The following DDX19B variants were observed in gnomAD, a reference collection of about 807,000 sequenced individuals.
The protein encoded by DDX19B is DEAD-box helicase 19B.
In DDX19B, 27 loss-of-function variants were observed where a neutral mutation model predicts 58.1. The ratio of observed to expected loss-of-function variants is 0.46; its 90% confidence interval spans 0.34 to 0.64. DDX19B has a LOEUF of 0.64. Ranked by LOEUF, DDX19B falls within the 30% of genes least tolerant of loss-of-function variation. DDX19B has a pLI of 0.01. For missense variants in DDX19B, 399 were observed against 596.5 expected (o/e 0.67, Z 3.45); for synonymous variants, 187 against 214.4 (o/e 0.87, Z 1.12).
In DDX19B at chr16:70,309,490, A is replaced by G. The variant is rs192070942; in HGVS notation, c.58-3119A>G. Among the ~76,000 whole-genome samples, 60 of 147,784 alleles carry G rather than the reference A, an allele frequency of 4.1e-4. No individual in the cohort carries two copies. In the Middle Eastern group the frequency reaches 0.014, roughly 35 times the overall value. On this transcript the variant is annotated intron_variant, in intron 1 of 11. Coordinates refer to ENST00000288071, the MANE Select transcript of DDX19B (RefSeq NM_007242.7). Reference sequence around the variant, plus strand: ...AGCCTGGGCGACAGAGCGAGACTCCATCTCAAAAAACAAAACAAACAAACA... The same window carrying G: ...AGCCTGGGCGACAGAGCGAGACTCCGTCTCAAAAAACAAAACAAACAAACA...
intron 1 of DDX19B, among the ~76,000 whole-genome samples, chr16:70,307,093 A>G (rs1011254862): frequency 8.5e-5 from 13 of 152,204 alleles, no homozygotes; most frequent in Non-Finnish European, 1.2e-4. Context: ...TTGTGTGGAT[A>G]TACCACATTT....
At chr16:70,332,748 G>C (rs563439215) in intron 10 of DDX19B, among the ~76,000 whole-genome samples, 3 of 152,072 alleles carry the variant, frequency 2.0e-5, no homozygotes, top group East Asian at 1.9e-4. Flanking sequence ...CCCCTGACCC[G>C]TGCTAGTTTG....
intron 6 of DDX19B, 97 bp downstream of exon 6, chr16:70,324,784 G>T: frequency 8.5e-7 from 1 of 1,181,964 alleles, no homozygotes; most frequent in East Asian, 2.7e-5. Flanking sequence ...GGGTGCAGTG[G>T]CTCATGCCTG....
upstream of DDX19B, among the ~76,000 whole-genome samples, chr16:70,293,831 T>G (rs1261575204): frequency 6.7e-5 from 10 of 150,302 alleles, no homozygotes; most frequent in Non-Finnish European, 4.4e-5. Flanking sequence ...CAGGATGGTC[T>G]CGATCTCCTG....
chr16:70,313,053 C>T (rs1597475976), intron 2 of DDX19B, among the ~76,000 whole-genome samples: 1 of 152,056 alleles, frequency 6.6e-6, no homozygotes, highest in East Asian at 1.9e-4. Context: ...GAGTCTCGCT[C>T]TGTTGCCCAG....
chr16:70,315,494 G>A (rs1962338563), intron 3 of DDX19B: 1 of 155,104 alleles, frequency 6.4e-6, no homozygotes, highest in African/African-American at 2.4e-5. Context: ...AGTTGAATAG[G>A]GCATTATAAA....
intron 1 of DDX19B, among the ~76,000 whole-genome samples, chr16:70,303,184 C>G (rs1335293941): frequency 6.6e-6 from 1 of 152,132 alleles, no homozygotes; most frequent in Non-Finnish European, 1.5e-5. Context: ...GTCACCCAGA[C>G]TAGAGTCAGG....
At chr16:70,327,158 A>G (rs1189303790) in intron 7 of DDX19B, among the ~76,000 whole-genome samples, 1 of 151,618 alleles carries the variant, frequency 6.6e-6, no homozygotes, top group Admixed American at 6.6e-5. Context: ...ATTTTGAGAC[A>G]GTTTCGCTAG....
chr16:70,310,189 T>C (rs1416304598), intron 1 of DDX19B, among the ~76,000 whole-genome samples: 1 of 152,178 alleles, frequency 6.6e-6, no homozygotes, highest in East Asian at 1.9e-4. Flanking sequence ...GAGACCATCC[T>C]GGCCAATGTG....
upstream of DDX19B, chr16:70,299,134 T>C: frequency 1.8e-5 from 24 of 1,355,420 alleles, no homozygotes; most frequent in Non-Finnish European, 2.2e-5. Context: ...GGGCAAAGGG[T>C]GGCCAAACAG....
In DDX19B at chr16:70,329,342, A is replaced by T. The variant is rs747085071; in HGVS notation, c.658A>T (p.Thr220Ser). Residue 220 changes from threonine to serine, a missense_variant, in exon 8 of 12, where the codon ACT becomes TCT. Thr to Ser is a moderately conservative substitution (Grantham distance 58). Transcript: ENST00000288071. ...SEQIVIGTPGTVLDWCSKLKF... is the reference protein window; with the variant it reads ...SEQIVIGTPGSVLDWCSKLKF... ...GCAGATTGTCATTGGCACCCCTGGG[A>T]CTGTGCTGGACTGGTGCTCCAAGCT... The T allele has an allele frequency of 9.9e-6, 16 of 1,613,934 alleles. No homozygotes were observed. The highest frequency in any genetic ancestry group is 1.4e-5 in the Non-Finnish European group (16 of 1,179,986).
Position 70,316,070 on chromosome 16 carries a change from C to A in DDX19B, c.262C>A (p.Leu88Met). 6.2e-7 allele frequency: 1 copy of A among 1,614,140 alleles called. No individual in the cohort carries two copies. ...EVLQRDPNSP[L>M]YSVKSFEELR... ...CCTGCAGCGGGATCCAAACTCCCCT[C>A]TGTACTCGGTGAAGTCTTTTGAAGA... The change falls in exon 4 of 12, where the codon CTG (leucine) becomes ATG (methionine). Residue 88 changes from leucine to methionine, a missense_variant. This residue lies in a region of DDX19B where 132 missense variants were observed against 159.4 expected (regional missense o/e 0.83). Coordinates refer to ENST00000288071, the MANE Select transcript of DDX19B (RefSeq NM_007242.7).
chr16:70,323,187 C>A (rs1180818638), intron 5 of DDX19B, among the ~76,000 whole-genome samples: 1 of 151,862 alleles, frequency 6.6e-6, no homozygotes, highest in Admixed American at 6.6e-5. Flanking sequence ...GCAACCTCCA[C>A]CCTCCACCTC....
chr16:70,296,010 T>G (rs1410325521), upstream of DDX19B, among the ~76,000 whole-genome samples: 1 of 151,026 alleles, frequency 6.6e-6, no homozygotes, highest in Non-Finnish European at 1.5e-5. Flanking sequence ...TAAGCATTTT[T>G]TTTTTTTTTT....
At chr16:70,315,653 A>C (rs568270109) in intron 3 of DDX19B, 1 of 198,158 alleles carries the variant, frequency 5.0e-6, no homozygotes, top group African/African-American at 2.3e-5. Flanking sequence ...TGATTGCTAC[A>C]TTAATTACTT....
At chr16:70,315,747 TAGA>T in intron 3 of DDX19B, 1 of 510,716 alleles carries the variant, frequency 2.0e-6, no homozygotes, top group Admixed American at 3.5e-5. Context: ...AGAGGGCTGT[TAGA>T]ATAGAGTCTG....
At position 70,325,702 on chromosome 16, in the gene DDX19B, T is replaced by G. The variant is rs370203489; in HGVS notation, c.607+14T>G. The G allele has an allele frequency of 8.6e-5, 136 of 1,575,386 alleles. No individual in the cohort carries two copies. Among genetic ancestry groups the G allele is most frequent in the Non-Finnish European group, 1.1e-4 (129 of 1,147,464 alleles). On this transcript the variant is annotated intron_variant, in intron 7 of 11. Coordinates refer to ENST00000288071, the MANE Select transcript of DDX19B (RefSeq NM_007242.7). ...GAGGCAATAAATGTGAGTATGTGAA[T>G]TTGGTCCTAAATCATCAACCTAATT...
Position 70,329,954 on chromosome 16 carries a change from C to T in DDX19B, c.909C>T (p.Thr303=). The change falls in exon 9 of 12, where the codon ACC becomes ACT. Residue 303 remains threonine (T), a synonymous_variant. Transcript: ENST00000288071. ...NVIKLKREEE[T]LDTIKQYYVL... is the part of the protein sequence containing the mutation. ...TCAAACTGAAGCGTGAGGAAGAGAC[C>T]CTGGACACCATCAAGCAGTACTATG... The T allele has an allele frequency of 1.9e-6, 3 of 1,614,176 alleles. No homozygotes were observed. Among genetic ancestry groups the T allele is most frequent in the Non-Finnish European group, 2.5e-6 (3 of 1,180,028 alleles).
intron 5 of DDX19B, among the ~76,000 whole-genome samples, chr16:70,321,076 C>T (rs1367252816): frequency 6.6e-6 from 1 of 151,378 alleles, no homozygotes; most frequent in Non-Finnish European, 1.5e-5. Context: ...GATTCTCCTG[C>T]CTCCACCTCC....
Sources: gnomAD v4.1 joint callset for allele counts (sites outside exome capture counted in the v4.1 genomes callset) on GRCh38, gnomAD v4.1.1 for gene constraint, gnomAD v4.1.1 regional missense constraint, MANE v1.5 for transcripts, NCBI Gene and HGNC (gene_info 2026-07-23, HGNC 2026-07-21) for gene names.